CEP135: variants seen among roughly 807,000 people sequenced by gnomAD.
The protein encoded by CEP135 is centrosomal protein of 135 kDa.
In CEP135, 142 loss-of-function variants were observed where a neutral mutation model predicts 157.3. That is an observed-to-expected ratio of 0.90 (90% CI 0.79 to 1.04). The LOEUF is 1.04. CEP135 is among the 50% of genes least tolerant of loss of function. The pLI is 0.00. For missense variants in CEP135, 1,317 were observed against 1,309.2 expected, an observed-to-expected ratio of 1.01 and a Z score of -0.09; for synonymous variants, 396 against 439.8, an observed-to-expected ratio of 0.90 and a Z score of 1.25.
At chr4:55,988,006 C>T (rs1028725312) in intron 14 of CEP135, among the ~76,000 whole-genome samples, 1 of 151,950 alleles carries the variant, frequency 6.6e-6, no homozygotes, top group African/African-American at 2.4e-5. Context: ...AAAATGCATA[C>T]AATTTTAGTA....
intron 8 of CEP135, among the ~76,000 whole-genome samples, chr4:55,967,611 A>C (rs1208090497): frequency 6.6e-6 from 1 of 152,226 alleles, no homozygotes; most frequent in Non-Finnish European, 1.5e-5. Flanking sequence ...TCAGATGCTG[A>C]TTCCTTAGAA....
intron 21 of CEP135, among the ~76,000 whole-genome samples, chr4:56,014,366 A>G (rs1730696874): frequency 6.6e-6 from 1 of 152,214 alleles, no homozygotes; most frequent in South Asian, 2.1e-4. Flanking sequence ...ATTGGTAGAA[A>G]TAGGGACATG....
chr4:55,976,440 C>A (rs1729224181), intron 11 of CEP135, among the ~76,000 whole-genome samples: 1 of 152,006 alleles, frequency 6.6e-6, no homozygotes, highest in Non-Finnish European at 1.5e-5. Flanking sequence ...AATTAAGTTT[C>A]AAATACCAAG....
chr4:55,996,435 A>C (rs975706955), intron 15 of CEP135, among the ~76,000 whole-genome samples: 3 of 152,170 alleles, frequency 2.0e-5, no homozygotes, highest in African/African-American at 7.2e-5. Flanking sequence ...GGGCATTCCT[A>C]ACATTTTTTT....
At chr4:55,984,217 C>T (rs555998868) in intron 13 of CEP135, among the ~76,000 whole-genome samples, 79 of 152,172 alleles carry the variant, frequency 5.2e-4, no homozygotes, top group Non-Finnish European at 1.1e-3. Context: ...AACTCATCTC[C>T]CCTGTTCACA....
chr4:56,000,299 G>A lies in CEP135; in HGVS notation c.2280+654G>A, dbSNP rs529882753. 4.6e-5 allele frequency among the ~76,000 whole-genome samples: 7 copies of A among 152,292 alleles called. No individual in the cohort carries two copies. In the South Asian group the frequency reaches 1.2e-3, roughly 27 times the overall value. Reference sequence around the variant, plus strand: ...GAGACATTCATATAATCAAGTCAGGGTAATTGGGATATTTATCACTTTATT... The same window carrying A: ...GAGACATTCATATAATCAAGTCAGGATAATTGGGATATTTATCACTTTATT... On this transcript the variant is annotated intron_variant, in intron 17 of 25. Transcript: ENST00000257287.
At chr4:56,023,735 A>G (rs1204908970) in intron 24 of CEP135, among the ~76,000 whole-genome samples, 1 of 141,016 alleles carries the variant, frequency 7.1e-6, no homozygotes, top group Non-Finnish European at 1.5e-5. Flanking sequence ...ATATTGTATC[A>G]TATATAGTAT....
intron 23 of CEP135, among the ~76,000 whole-genome samples, 179 bp downstream of exon 23, chr4:56,019,734 G>A (rs966141415): frequency 1.5e-4 from 23 of 151,856 alleles, no homozygotes; most frequent in Non-Finnish European, 2.8e-4. Flanking sequence ...TCAGGAGTTT[G>A]AGACTAGCCT....
intron 13 of CEP135, among the ~76,000 whole-genome samples, chr4:55,984,799 C>G (rs1729521791): frequency 6.6e-6 from 1 of 152,054 alleles, no homozygotes. Context: ...AAAAATAGTC[C>G]CTGTGTTTAT....
chr4:55,966,895 T>C (rs1728860643), intron 8 of CEP135, among the ~76,000 whole-genome samples: 1 of 152,216 alleles, frequency 6.6e-6, no homozygotes, highest in African/African-American at 2.4e-5. Flanking sequence ...AAGGGTGATA[T>C]TTCCAGTCTA....
At chr4:55,967,419 T>G (rs941994122) in intron 8 of CEP135, among the ~76,000 whole-genome samples, 1 of 152,198 alleles carries the variant, frequency 6.6e-6, no homozygotes, top group Non-Finnish European at 1.5e-5. Flanking sequence ...TCTAAAAGTT[T>G]TTTATATCTT....
At chr4:56,027,180 G>A (rs891833567) in intron 25 of CEP135, among the ~76,000 whole-genome samples, 3 of 152,190 alleles carry the variant, frequency 2.0e-5, no homozygotes, top group Admixed American at 6.5e-5. Context: ...CATGTGATCA[G>A]ATGGTGGTTC....
chr4:56,001,435 A>G (rs1400143673), intron 17 of CEP135, among the ~76,000 whole-genome samples: 3 of 152,130 alleles, frequency 2.0e-5, no homozygotes, highest in East Asian at 1.9e-4. Context: ...AGTTTTGTAT[A>G]TGGTAAGAGA....
At chr4:56,011,167 C>T (rs1369165983) in intron 19 of CEP135, among the ~76,000 whole-genome samples, 4 of 151,958 alleles carry the variant, frequency 2.6e-5, no homozygotes, top group Non-Finnish European at 5.9e-5. Context: ...CCCAGAAGGT[C>T]GAGGCTGCAG....
chr4:56,015,929 T>TA (rs1483449766), intron 21 of CEP135, among the ~76,000 whole-genome samples: 3 of 152,212 alleles, frequency 2.0e-5, no homozygotes, highest in African/African-American at 7.2e-5. Context: ...ACCAGAAAGA[T>TA]ACGTTGAAAT....
At chr4:55,994,665 C>G (rs1241704887) in intron 15 of CEP135, among the ~76,000 whole-genome samples, 1 of 151,174 alleles carries the variant, frequency 6.6e-6, no homozygotes, top group Non-Finnish European at 1.5e-5. Context: ...AACAAACAGG[C>G]TTTTCTATAT....
intron 11 of CEP135, among the ~76,000 whole-genome samples, chr4:55,976,973 CTT>C (rs571817739): frequency 3.4e-5 from 5 of 146,330 alleles, no homozygotes; most frequent in African/African-American, 7.5e-5. Context: ...CCATGCCTGG[CTT>C]TTTTTTTTTT....
At chr4:55,960,575 T>G (rs1448366042) in intron 6 of CEP135, 7 of 152,214 alleles carry the variant, frequency 4.6e-5, no homozygotes, top group African/African-American at 1.7e-4. Flanking sequence ...GTAACTTAGG[T>G]GTTGGTATAA....
intron 5 of CEP135, among the ~76,000 whole-genome samples, chr4:55,957,640 A>G (rs1728548740): frequency 6.6e-6 from 1 of 152,234 alleles, no homozygotes; most frequent in Non-Finnish European, 1.5e-5. Context: ...CTGCTTTGAC[A>G]TTTTGTGTTG....
Sources: gnomAD v4.1 joint callset for allele counts (sites outside exome capture counted in the v4.1 genomes callset) on GRCh38, gnomAD v4.1.1 for gene constraint, MANE v1.5 for transcripts, NCBI Gene and HGNC (gene_info 2026-07-23, HGNC 2026-07-21) for gene names.